Variants in C8orf74 observed in about 807,000 individuals in gnomAD.
The protein encoded by C8orf74 is chromosome 8 open reading frame 74.
Under a neutral mutation model 22.2 loss-of-function variants are expected in C8orf74, and 29 were observed. The observed-to-expected ratio is 1.31, with a 90% CI of 0.97 to 1.78. C8orf74 has a LOEUF of 1.78. Among genes scored for constraint, C8orf74 ranks in the 40% most tolerant of loss-of-function variants. C8orf74 has a pLI of 0.00. For missense variants in C8orf74, 515 were observed against 369.9 expected, an observed-to-expected ratio of 1.39 and a Z score of -3.22; for synonymous variants, 255 against 163.1, an observed-to-expected ratio of 1.56 and a Z score of -4.30.
At chr8:10,674,888 G>T in intron 2 of C8orf74, 50 bp downstream of exon 2, 1 of 1,488,726 alleles carries the variant, frequency 6.7e-7, no homozygotes, top group Non-Finnish European at 9.1e-7. Context: ...GGATGGGGTG[G>T]GTACACATAG....
chr8:10,684,710 T>C (rs190849256), intron 2 of C8orf74, among the ~76,000 whole-genome samples: 6 of 152,376 alleles, frequency 3.9e-5, no homozygotes, highest in Middle Eastern at 3.4e-3. Flanking sequence ...ATAGAAGATT[T>C]GTTCTTACGT....
At chr8:10,683,719 G>A (rs1264050900) in intron 2 of C8orf74, among the ~76,000 whole-genome samples, 1 of 152,170 alleles carries the variant, frequency 6.6e-6, no homozygotes, top group Non-Finnish European at 1.5e-5. Flanking sequence ...AGGAGCCCCA[G>A]AGGTCACTGG....
At chr8:10,685,282 G>A (rs1286305885) in intron 2 of C8orf74, among the ~76,000 whole-genome samples, 1 of 152,186 alleles carries the variant, frequency 6.6e-6, no homozygotes, top group African/African-American at 2.4e-5. Flanking sequence ...TTCAACAATG[G>A]CTTCTCTGGG....
Position 10,672,797 on chromosome 8 carries a change from C to T in C8orf74, c.48+84C>T, listed in dbSNP as rs998525299. 8 of 1,280,464 alleles carry T rather than the reference C, an allele frequency of 6.2e-6. No homozygotes were observed. In the African/African-American group the frequency reaches 1.0e-4, roughly 17 times the overall value. 79.3% of individuals were successfully genotyped at this position (1,280,464 alleles called of 1,614,324 possible). A position where few individuals can be genotyped will look rare whatever the true frequency, so the allele number is the denominator to read the frequency against. ...GAGGTGGGCACTGGAAGCGCCTCTT[C>T]AGGAGACCCCGGGGCAGCCACCCCG... is the stretch of plus-strand genomic sequence containing the variant. On this transcript the variant is annotated intron_variant, in intron 1 of 3. Transcript: ENST00000304519.
At chr8:10,678,339 G>C (rs1019372616) in intron 2 of C8orf74, among the ~76,000 whole-genome samples, 2 of 152,210 alleles carry the variant, frequency 1.3e-5, no homozygotes, top group African/African-American at 4.8e-5. Flanking sequence ...ACAGCATGGT[G>C]CTCGGTGCCT....
At chr8:10,685,851 C>T (rs188254394) in intron 2 of C8orf74, among the ~76,000 whole-genome samples, 4 of 152,264 alleles carry the variant, frequency 2.6e-5, no homozygotes, top group East Asian at 3.9e-4. Flanking sequence ...AGGTGGATCA[C>T]GAGATAAGGA....
At position 10,674,699 on chromosome 8, in the gene C8orf74, C is replaced by G; in HGVS notation, c.102C>G (p.Asp34Glu). ...LRRLLNWEEF[D>E]EQRDSRRSIL... is the part of the protein sequence containing the mutation. Reference sequence around the variant, plus strand: ...GGCTTCTGAACTGGGAGGAGTTTGACGAACAGAGAGACTCCCGGAGGAGCA... The same window carrying G: ...GGCTTCTGAACTGGGAGGAGTTTGAGGAACAGAGAGACTCCCGGAGGAGCA... Residue 34 changes from aspartate (D) to glutamate (E), a missense_variant, in exon 2 of 4, where the codon GAC becomes GAG. Transcript: ENST00000304519. 11 of 1,609,742 alleles carry G rather than the reference C, an allele frequency of 6.8e-6. No homozygotes were observed. The highest frequency in any genetic ancestry group is 9.3e-6 in the Non-Finnish European group (11 of 1,178,074).
chr8:10,680,800 G>A (rs989799149), intron 2 of C8orf74, among the ~76,000 whole-genome samples: 8 of 152,166 alleles, frequency 5.3e-5, no homozygotes, highest in Non-Finnish European at 8.8e-5. Flanking sequence ...AAGAGCTGGC[G>A]TAGCTGGCAA....
At chr8:10,690,314 T>C (rs998546834) in intron 2 of C8orf74, among the ~76,000 whole-genome samples, 2 of 151,912 alleles carry the variant, frequency 1.3e-5, no homozygotes, top group African/African-American at 4.8e-5. Context: ...CGGTGGGTGC[T>C]CCCTAACTGA....
chr8:10,681,443 C>T (rs868091260), intron 2 of C8orf74, among the ~76,000 whole-genome samples: 6 of 152,158 alleles, frequency 3.9e-5, no homozygotes, highest in Admixed American at 3.9e-4. Flanking sequence ...GTTTGCCAGC[C>T]TTATCTAATC....
rs73532622 is a variant in C8orf74, at chr8:10,698,030, G to A, written c.648+25G>A. The A allele has an allele frequency of 0.018, 26,183 of 1,447,018 alleles. 2,419 individuals are homozygous for A. The African/African-American group carries it at 0.25, about 14-fold the overall frequency. 89.6% of individuals were successfully genotyped at this position (1,447,018 alleles called of 1,614,324 possible). ...GGTGAGGCTCTGCCCCCCTGCCGTG[G>A]GTGGGCACCTGGGCCTGCAGAGACA... On this transcript the variant is annotated intron_variant, in intron 3 of 3. Transcript: ENST00000304519.
chr8:10,672,818 C>T, intron 1 of C8orf74, 105 bp downstream of exon 1: 1 of 995,954 alleles, frequency 1.0e-6, no homozygotes, highest in East Asian at 2.6e-5. Flanking sequence ...GGGGCAGCCA[C>T]CCCGGCTCAG....
At chr8:10,674,507 T>TCACACCCAGTAGCCCCCATAC (rs1404411436) in intron 1 of C8orf74, 139 bp from the exon 2 acceptor site, 1 of 72,568 alleles carries the variant, frequency 1.4e-5, no homozygotes, top group Non-Finnish European at 2.4e-5. Context: ...AGCCCCCATA[T>TCACACCCAGTAGCCCCCATAC]CATGCCCTGC....
At chr8:10,687,186 T>G in intron 2 of C8orf74, 1 of 449,998 alleles carries the variant, frequency 2.2e-6, no homozygotes, top group Non-Finnish European at 4.5e-6. Flanking sequence ...GTGTTTACTG[T>G]GTACCAGGCA....
chr8:10,686,210 T>TA (rs1563159437), intron 2 of C8orf74, among the ~76,000 whole-genome samples: 1 of 152,228 alleles, frequency 6.6e-6, no homozygotes, highest in Admixed American at 6.5e-5. Context: ...CATTCACTCC[T>TA]AAAAAATGGC....
rs1401241428 is a variant in C8orf74 at position 10,672,732 on chromosome 8, T to C, written c.48+19T>C. 1 of 1,553,072 alleles carries C rather than the reference T, an allele frequency of 6.4e-7. No homozygotes were observed. Among genetic ancestry groups the C allele is most frequent in the Non-Finnish European group, 8.7e-7 (1 of 1,147,156 alleles). The stretch of plus-strand genomic sequence containing the variant: ...ACTTCAGGTGAAGGAAGAGAAAATG[T>C]GGCTTTTAAACAGAAACTGGCTCAT... On this transcript the variant is annotated intron_variant, in intron 1 of 3. Coordinates refer to ENST00000304519, the MANE Select transcript of C8orf74 (RefSeq NM_001040032.2).
At chr8:10,687,041 T>C (rs1407962451) in intron 2 of C8orf74, 1 of 454,976 alleles carries the variant, frequency 2.2e-6, no homozygotes, top group Non-Finnish European at 4.4e-6. Flanking sequence ...TCTCCAGGGT[T>C]ATAGTCCTAG....
At chr8:10,686,945 G>A (rs1479780760) in intron 2 of C8orf74, 2 of 360,018 alleles carry the variant, frequency 5.6e-6, no homozygotes. Context: ...TACTCTTTGG[G>A]TGGGGCCCCG....
intron 2 of C8orf74, among the ~76,000 whole-genome samples, chr8:10,679,301 G>T (rs1272247702): frequency 6.6e-6 from 1 of 152,112 alleles, no homozygotes; most frequent in African/African-American, 2.4e-5. Flanking sequence ...ACCCTCCTGG[G>T]CTCCACTGTC....
Sources: allele counts gnomAD v4.1 joint callset (sites outside exome capture counted in the v4.1 genomes callset), GRCh38; gene constraint gnomAD v4.1.1; transcripts MANE v1.5; gene names NCBI Gene and HGNC (gene_info 2026-07-23, HGNC 2026-07-21).